Variants in EPHA5 observed in about 807,000 individuals in gnomAD.
EPHA5 encodes the protein EPH receptor A5.
A neutral mutation model predicts 105.0 loss-of-function variants in EPHA5; 60 were observed. The observed-to-expected ratio is 0.57, with a 90% confidence interval of 0.46 to 0.71. The LOEUF is 0.71. Among genes scored for constraint, EPHA5 ranks in the 30% least tolerant of loss-of-function variants. The pLI is 0.00. For synonymous variants in EPHA5, 513 were observed against 449.1 expected (o/e 1.14, Z -1.80); for missense variants, 1,218 against 1,274.7 (o/e 0.96, Z 0.68).
chr4:65,505,409 G>A (rs1265721192), intron 3 of EPHA5, among the ~76,000 whole-genome samples: 1 of 151,994 alleles, frequency 6.6e-6, no homozygotes, highest in African/African-American at 2.4e-5. Context: ...ATAAAAACAA[G>A]AAGCATCCAC....
chr4:65,541,066 C>T (rs111592831), intron 3 of EPHA5, among the ~76,000 whole-genome samples: 32 of 151,380 alleles, frequency 2.1e-4, no homozygotes, highest in African/African-American at 7.0e-4. Context: ...TCCCCTTTCT[C>T]ATCTCCAATT....
chr4:65,654,123 T>C (rs1748852321), intron 1 of EPHA5, among the ~76,000 whole-genome samples: 1 of 151,952 alleles, frequency 6.6e-6, no homozygotes, highest in Non-Finnish European at 1.5e-5. Flanking sequence ...TACTGGCAGA[T>C]GCATTAGCAT....
intron 7 of EPHA5, among the ~76,000 whole-genome samples, chr4:65,406,337 T>C (rs1054739497): frequency 6.6e-6 from 1 of 152,204 alleles, no homozygotes; most frequent in Non-Finnish European, 1.5e-5. Context: ...CCACATGCAA[T>C]GAGTGCTTCT....
chr4:65,610,202 A>T (rs937659089), intron 2 of EPHA5, among the ~76,000 whole-genome samples: 1 of 152,152 alleles, frequency 6.6e-6, no homozygotes, highest in Non-Finnish European at 1.5e-5. Context: ...CACAACCATT[A>T]AAAAGAATGA....
chr4:65,669,210 C>A (rs1221115321), intron 1 of EPHA5, among the ~76,000 whole-genome samples: 2 of 151,992 alleles, frequency 1.3e-5, no homozygotes, highest in Admixed American at 1.3e-4. Context: ...CACTTCCCCA[C>A]GCGCCTTAAG....
At chr4:65,408,978 G>T (rs997356431) in intron 7 of EPHA5, among the ~76,000 whole-genome samples, 1 of 149,412 alleles carries the variant, frequency 6.7e-6, no homozygotes, top group Non-Finnish European at 1.5e-5. Context: ...AGAAAATGTG[G>T]CACATATACA....
rs1723182012 is a variant in EPHA5, at chr4:65,414,284, A to C, written c.1687T>G (p.Ser563Ala). The change falls in exon 7 of 17, where the codon TCA becomes GCA. Residue 563 changes from serine (S) to alanine (A), a missense_variant and splice_region_variant. Ser to Ala is a moderately conservative substitution (Grantham distance 99, BLOSUM62 1). Transcript: ENST00000613740. ...RRFEFETTPV[S>A]VAASSDQSQI... is the part of the protein sequence containing the mutation. ...GCTGACAGTAATTAAAATGACTTAC[A>C]CACTGGGGTGGTTTCAAACTCAAAT... is the stretch of plus-strand genomic sequence containing the variant. 6.2e-7 allele frequency: 1 copy of C among 1,613,526 alleles called. No homozygotes were observed. Among genetic ancestry groups the C allele is most frequent in the South Asian group, 1.1e-5 (1 of 91,072 alleles).
At chr4:65,598,795 G>C (rs1449745367) in intron 3 of EPHA5, among the ~76,000 whole-genome samples, 1 of 152,014 alleles carries the variant, frequency 6.6e-6, no homozygotes, top group East Asian at 1.9e-4. Flanking sequence ...TAGTGAAAAA[G>C]AGCAAATTGA....
chr4:65,476,125 A>T (rs202030525), intron 5 of EPHA5, among the ~76,000 whole-genome samples: 22,261 of 131,300 alleles, frequency 0.17, 2,003 homozygotes, highest in East Asian at 0.25. Context: ...AGAGAGAGAG[A>T]GAGTGTGTGT....
chr4:65,444,982 G>T (rs1341588030), intron 5 of EPHA5, among the ~76,000 whole-genome samples: 1 of 152,106 alleles, frequency 6.6e-6, no homozygotes, highest in African/African-American at 2.4e-5. Context: ...ATATAGCAAA[G>T]AAATAAATAG....
At chr4:65,516,773 A>G (rs1401513910) in intron 3 of EPHA5, among the ~76,000 whole-genome samples, 1 of 152,098 alleles carries the variant, frequency 6.6e-6, no homozygotes, top group African/African-American at 2.4e-5. Flanking sequence ...CCTTATTACA[A>G]TGTCTTTTAG....
chr4:65,412,326 A>T (rs1312142168), intron 7 of EPHA5, among the ~76,000 whole-genome samples: 1 of 152,188 alleles, frequency 6.6e-6, no homozygotes, highest in Non-Finnish European at 1.5e-5. Flanking sequence ...TTTTGTCTGG[A>T]GAGAAGTTTC....
At chr4:65,429,286 T>C (rs1724754025) in intron 5 of EPHA5, among the ~76,000 whole-genome samples, 1 of 152,166 alleles carries the variant, frequency 6.6e-6, no homozygotes. Context: ...TATGCAATTT[T>C]CAATAATGTT....
At chr4:65,451,843 A>G (rs1560550546) in intron 5 of EPHA5, among the ~76,000 whole-genome samples, 1 of 152,170 alleles carries the variant, frequency 6.6e-6, no homozygotes, top group East Asian at 1.9e-4. Flanking sequence ...GCAAATGAGA[A>G]GAGTCTGTGA....
chr4:65,388,046 C>T (rs191662796), intron 8 of EPHA5, among the ~76,000 whole-genome samples: 6,214 of 144,078 alleles, frequency 0.043, 179 homozygotes, highest in African/African-American at 0.07. Flanking sequence ...CAATTCCCAT[C>T]TATGAGTGAG....
intron 13 of EPHA5, 24 bp from the exon 14 acceptor site, chr4:65,348,227 A>G: frequency 6.2e-7 from 1 of 1,602,374 alleles, no homozygotes; most frequent in South Asian, 1.1e-5. Context: ...AGATTTAAAA[A>G]ACTTCCTACA....
chr4:65,429,926 CTTTA>C (rs1724816941), intron 5 of EPHA5, among the ~76,000 whole-genome samples: 1 of 151,972 alleles, frequency 6.6e-6, no homozygotes, highest in South Asian at 2.1e-4. Context: ...ATCACAATAT[CTTTA>C]AATAGCATCA....
Position 65,368,362 on chromosome 4 carries a change from C to A in EPHA5, c.1794-938G>T, listed in dbSNP as rs191017808. Among the ~76,000 whole-genome samples, 29 of 152,178 alleles carry A rather than the reference C, an allele frequency of 1.9e-4. No homozygotes were observed. The East Asian group carries it at 5.2e-3, about 28-fold the overall frequency. ...TCCACCAACATTCAAACTCAATGGACCTGAAAATGAAATCAGTGCATTTTT... is the reference window on the plus strand; with the variant it reads ...TCCACCAACATTCAAACTCAATGGAACTGAAAATGAAATCAGTGCATTTTT... On this transcript the variant is annotated intron_variant, in intron 8 of 16. Coordinates refer to ENST00000613740, the MANE Select transcript of EPHA5 (RefSeq NM_001281766.3).
rs1290951652 is a variant in EPHA5 at position 65,320,844 on chromosome 4, C to T, written c.*3270G>A. 8.7e-6 allele frequency: 2 copies of T among 229,948 alleles called. No individual in the cohort carries two copies. Among genetic ancestry groups the T allele is most frequent in the Non-Finnish European group, 1.7e-5 (2 of 116,038 alleles). 14.2% of individuals were successfully genotyped at this position (229,948 alleles called of 1,614,324 possible). On this transcript the variant is annotated 3_prime_UTR_variant, in exon 17 of 17. Coordinates refer to ENST00000613740, the MANE Select transcript of EPHA5 (RefSeq NM_001281766.3). ...CAACTCTGAAACCAATAATGCTGGC[C>T]ACACTTAAGTTTAGATAAAATATTG...
Sources: allele counts gnomAD v4.1 joint callset (sites outside exome capture counted in the v4.1 genomes callset), GRCh38; gene constraint gnomAD v4.1.1; transcripts MANE v1.5; gene names NCBI Gene and HGNC (gene_info 2026-07-23, HGNC 2026-07-21).